Variants in MTRFR observed in about 807,000 individuals in gnomAD.
MTRFR encodes the protein mitochondrial translation release factor in rescue.
In MTRFR, 10 loss-of-function variants were observed where a neutral mutation model predicts 11.9. The observed-to-expected ratio is 0.84, with a 90% CI of 0.52 to 1.42. The LOEUF (loss-of-function observed/expected upper bound fraction) is 1.42, where lower values mean the gene tolerates loss of function less well. MTRFR is among the 40% of genes most tolerant of loss of function. The probability of loss-of-function intolerance (pLI) is 0.00; values close to 1 mark genes in which losing one functional copy is unlikely to be tolerated. For synonymous variants in MTRFR, 77 were observed against 79.1 expected (o/e 0.97, Z 0.14); for missense variants, 196 against 197.9 (o/e 0.99, Z 0.06).
chr12:123,237,192 C>T (rs1279030803), intron 1 of MTRFR, among the ~76,000 whole-genome samples: 1 of 152,180 alleles, frequency 6.6e-6, no homozygotes, highest in Non-Finnish European at 1.5e-5. Context: ...CACTGTGGCT[C>T]ACGCCTGTAA....
intron 1 of MTRFR, among the ~76,000 whole-genome samples, chr12:123,253,107 TGAGACA>T (rs2048136213): frequency 9.5e-5 from 6 of 63,358 alleles, no homozygotes; most frequent in Non-Finnish European, 1.0e-4. Context: ...TTTTTTTTTT[TGAGACA>T]CTGTCTCGCT....
At chr12:123,254,225 C>T in intron 2 of MTRFR, 1 of 480,528 alleles carries the variant, frequency 2.1e-6, no homozygotes, top group Non-Finnish European at 3.8e-6. Flanking sequence ...TTGAATTTGG[C>T]AGACAGCACT....
At position 123,244,761 on chromosome 12, in the gene MTRFR, T is replaced by TAGCTGGG. The variant is rs1334491190; in HGVS notation, c.-28-8884_-28-8878dup. Among the ~76,000 whole-genome samples the TAGCTGGG allele has an allele frequency of 1.4e-4, 21 of 151,656 alleles. No individual in the cohort carries two copies. The East Asian group carries it at 4.1e-3, about 30-fold the overall frequency. On this transcript the variant is annotated intron_variant, in intron 1 of 2. Transcript: ENST00000253233. ...GATTCTCCTGCCTCAGCCTCCCAAG[T>TAGCTGGG]AGCTGGGATTACAGGTGCGTGCCAA...
chr12:123,244,930 ATTTTTTTTTTT>A (rs544105176), intron 1 of MTRFR, among the ~76,000 whole-genome samples: 8 of 65,094 alleles, frequency 1.2e-4, no homozygotes, highest in South Asian at 5.9e-4. Flanking sequence ...CGCACCCGGC[ATTTTTTTTTTT>A]TTTTTTTTTT....
At chr12:123,235,844 G>C (rs111818294) in intron 1 of MTRFR, among the ~76,000 whole-genome samples, 1 of 151,628 alleles carries the variant, frequency 6.6e-6, no homozygotes, top group African/African-American at 2.4e-5. Flanking sequence ...CAAGCGGATC[G>C]CTTGAGGTCA....
chr12:123,249,185 T>C (rs1020485042), intron 1 of MTRFR: 4 of 152,202 alleles, frequency 2.6e-5, no homozygotes, highest in African/African-American at 4.8e-5. Context: ...TGCTGACTGG[T>C]GTATTTATAA....
Position 123,253,794 on chromosome 12 carries a change from G to C in MTRFR, c.120G>C (p.Pro40=), listed in dbSNP as rs377142152. 1 of 1,614,150 alleles carries C rather than the reference G, an allele frequency of 6.2e-7. No individual in the cohort carries two copies. The highest frequency in any genetic ancestry group is 8.5e-7 in the Non-Finnish European group (1 of 1,180,046). ...TLLSPGIAVT[P]VQMAGKKDYP... ...TATCCCCAGGAATAGCTGTCACTCC[G>C]GTCCAGATGGCAGGCAAGAAGGACT... Residue 40 remains proline, a synonymous_variant, in exon 2 of 3, where the codon CCG becomes CCC. Coordinates refer to ENST00000253233, the MANE Select transcript of MTRFR (RefSeq NM_152269.5).
chr12:123,239,066 C>T (rs1372830450), intron 1 of MTRFR, among the ~76,000 whole-genome samples: 2 of 152,154 alleles, frequency 1.3e-5, no homozygotes, highest in Non-Finnish European at 2.9e-5. Context: ...AGTTTGAGTT[C>T]CAGACCAGCC....
At chr12:123,240,086 G>A (rs1324490295) in intron 1 of MTRFR, among the ~76,000 whole-genome samples, 1 of 151,606 alleles carries the variant, frequency 6.6e-6, no homozygotes, top group Non-Finnish European at 1.5e-5. Context: ...GAGCCTCGCC[G>A]GGCAAGGTGG....
At chr12:123,254,106 G>A (rs2048153341) in intron 2 of MTRFR, 150 bp downstream of exon 2, 5 of 874,054 alleles carry the variant, frequency 5.7e-6, no homozygotes, top group South Asian at 1.7e-5. Flanking sequence ...AGAGAGCACC[G>A]CAGATCTCGT....
chr12:123,255,408 A>G (rs1329410960), intron 2 of MTRFR, among the ~76,000 whole-genome samples: 2 of 152,158 alleles, frequency 1.3e-5, no homozygotes, highest in Non-Finnish European at 2.9e-5. Flanking sequence ...ATTTGACATA[A>G]CTCAATCCAA....
chr12:123,241,147 T>G (rs75748846), intron 1 of MTRFR, among the ~76,000 whole-genome samples: 21 of 150,048 alleles, frequency 1.4e-4, no homozygotes, highest in South Asian at 6.3e-4. Flanking sequence ...GGTTGTTTTT[T>G]TTTTGTTTTT....
At chr12:123,240,307 G>C (rs997277315) in intron 1 of MTRFR, among the ~76,000 whole-genome samples, 9 of 152,064 alleles carry the variant, frequency 5.9e-5, no homozygotes, top group Admixed American at 5.2e-4. Flanking sequence ...CCGGGAGGCG[G>C]AGGTTGCAGT....
chr12:123,237,574 CTT>C (rs1250899573), intron 1 of MTRFR, among the ~76,000 whole-genome samples: 1 of 152,220 alleles, frequency 6.6e-6, no homozygotes, highest in Non-Finnish European at 1.5e-5. Context: ...AGAGTAGTCT[CTT>C]TTTCCTCCCG....
Position 123,253,744 on chromosome 12 carries a change from C to T in MTRFR, c.70C>T (p.Arg24Trp), listed in dbSNP as rs1213618941. 3 of 1,614,150 alleles carry T rather than the reference C, an allele frequency of 1.9e-6. No homozygotes were observed. The highest frequency in any genetic ancestry group is 1.7e-5 in the Admixed American group (1 of 60,006). The change falls in exon 2 of 3, where the codon CGG becomes TGG. Residue 24 changes from arginine to tryptophan, a missense_variant. Physicochemically the swap from Arg to Trp is moderately radical, Grantham distance 101. Transcript: ENST00000253233. Reference sequence around the variant, plus strand: ...AATATGCCCGGCGCCATGGGGACTCCGGCTTTGGGAGAAGCTGACGTTGTT... The same window carrying T: ...AATATGCCCGGCGCCATGGGGACTCTGGCTTTGGGAGAAGCTGACGTTGTT... ...TRICPAPWGL[R>W]LWEKLTLLSP...
Position 123,257,253 on chromosome 12 carries a change from A to G in MTRFR, c.*222A>G, listed in dbSNP as rs2048192993. 2.0e-6 allele frequency: 1 copy of G among 504,672 alleles called. No individual in the cohort carries two copies. Among genetic ancestry groups the G allele is most frequent in the Non-Finnish European group, 3.6e-6 (1 of 281,646 alleles). The allele number at this position is 504,672 out of a possible 1,614,324, so 31.3% of individuals were successfully genotyped here. On this transcript the variant is annotated 3_prime_UTR_variant, in exon 3 of 3. Transcript: ENST00000253233. ...CTGGGCACGGTGGACGGTGCCTCACATCTGTAATCCCAGCACTTTGGGAGG... is the reference window on the plus strand; with the variant it reads ...CTGGGCACGGTGGACGGTGCCTCACGTCTGTAATCCCAGCACTTTGGGAGG...
At chr12:123,241,581 C>T (rs1238504542) in intron 1 of MTRFR, among the ~76,000 whole-genome samples, 2 of 152,124 alleles carry the variant, frequency 1.3e-5, no homozygotes, top group African/African-American at 4.8e-5. Context: ...CTCAGGTGAT[C>T]CACCTACTTC....
At chr12:123,256,733 G>A (rs759146195) in intron 2 of MTRFR, 80 bp from the exon 3 acceptor site, 21 of 1,108,730 alleles carry the variant, frequency 1.9e-5, no homozygotes, top group Non-Finnish European at 2.4e-5. Flanking sequence ...AAGCGAACAG[G>A]TTGAATTTAA....
Position 123,257,204 on chromosome 12 carries a change from G to A in MTRFR, c.*173G>A, listed in dbSNP as rs755880323. ...ACTAAACTGTAGTGAACAGAGACAT[G>A]CACGATTCAAGAATAAAACTCGGCT... On this transcript the variant is annotated 3_prime_UTR_variant, in exon 3 of 3. Coordinates refer to ENST00000253233, the MANE Select transcript of MTRFR (RefSeq NM_152269.5). 1.1e-5 allele frequency: 7 copies of A among 643,438 alleles called. No individual in the cohort carries two copies. The highest frequency in any genetic ancestry group is 1.9e-5 in the Non-Finnish European group (7 of 365,556). The allele number at this position is 643,438 out of a possible 1,614,324, so 39.9% of individuals were successfully genotyped here. A position where few individuals can be genotyped will look rare whatever the true frequency, so the allele number is the denominator to read the frequency against.
Sources: allele counts gnomAD v4.1 joint callset (sites outside exome capture counted in the v4.1 genomes callset), GRCh38; gene constraint gnomAD v4.1.1; transcripts MANE v1.5; gene names NCBI Gene and HGNC (gene_info 2026-07-23, HGNC 2026-07-21).